The following NHERF1 variants were observed in gnomAD, a reference collection of about 807,000 sequenced individuals.
NHERF1 encodes the protein Na(+)/H(+) exchange regulatory cofactor NHE-RF1.
the NHERF1 span, among the ~76,000 whole-genome samples, chr17:74,758,070 G>A: frequency 3.7e-3 from 562 of 152,234 alleles, 5 homozygotes; most frequent in Middle Eastern, 0.02. This position sits in a 1 kb window ranked among gnomAD's most constrained non-coding sequence, Gnocchi z 4.3. Flanking sequence ...CCAATGGGGC[G>A]TTGGCCCCCA....
chr17:74,763,933 G>T, the NHERF1 span, among the ~76,000 whole-genome samples: 2 of 151,926 alleles, frequency 1.3e-5, no homozygotes, highest in African/African-American at 4.9e-5. Context: ...GTCCAGTGAC[G>T]GGGGCCGGTG....
At chr17:74,754,373 TTC>T in the NHERF1 span, among the ~76,000 whole-genome samples, 97 of 65,552 alleles carry the variant, frequency 1.5e-3, no homozygotes, top group African/African-American at 3.1e-3. Context: ...TGACATGCAT[TTC>T]TTTCTTTCTT....
the NHERF1 span, among the ~76,000 whole-genome samples, chr17:74,756,245 G>A: frequency 1.4e-5 from 2 of 145,966 alleles, no homozygotes; most frequent in Non-Finnish European, 1.5e-5. Context: ...CACCACACCT[G>A]GCCTATTTTT....
the NHERF1 span, chr17:74,768,036 C>T: frequency 2.4e-6 from 2 of 819,900 alleles, no homozygotes; most frequent in Non-Finnish European, 4.4e-6. Flanking sequence ...GCCAGGGCAT[C>T]AGTGCTACCT....
chr17:74,762,134 T>TG, the NHERF1 span: 1 of 1,614,154 alleles, frequency 6.2e-7, no homozygotes, highest in Middle Eastern at 1.6e-4. This position sits in a 1 kb window ranked among gnomAD's most constrained non-coding sequence, Gnocchi z 4.2. Context: ...ACTCCCCGGC[T>TG]GAGGCTTCAG....
At chr17:74,753,548 G>T in the NHERF1 span, among the ~76,000 whole-genome samples, 26 of 152,194 alleles carry the variant, frequency 1.7e-4, no homozygotes, top group Middle Eastern at 3.2e-3. Context: ...TTACCTTCAA[G>T]CTCCTGTTAA....
At chr17:74,758,498 G>A in the NHERF1 span, among the ~76,000 whole-genome samples, 7 of 152,202 alleles carry the variant, frequency 4.6e-5, no homozygotes, top group South Asian at 2.1e-4. The surrounding 1 kb of genome is among the most constrained non-coding windows in gnomAD (Gnocchi z 4.3). Context: ...GTTCCCTCCT[G>A]TTGATTCTGG....
chr17:74,762,561 T>TTA, the NHERF1 span, among the ~76,000 whole-genome samples: 2 of 39,636 alleles, frequency 5.0e-5, no homozygotes, highest in South Asian at 1.2e-3. This position sits in a 1 kb window ranked among gnomAD's most constrained non-coding sequence, Gnocchi z 4.2. Flanking sequence ...ATTTATTTAG[T>TTA]TTTTTTTTTT....
chr17:74,765,384 T>C, the NHERF1 span, among the ~76,000 whole-genome samples: 5 of 151,780 alleles, frequency 3.3e-5, no homozygotes, highest in African/African-American at 4.8e-5. Context: ...CTCAGTCTCC[T>C]GAGTAGCCGG....
the NHERF1 span, among the ~76,000 whole-genome samples, chr17:74,757,638 G>A: frequency 6.6e-6 from 1 of 152,038 alleles, no homozygotes; most frequent in Non-Finnish European, 1.5e-5. Flanking sequence ...TGGCTTCCTT[G>A]AAGAGCTGGC....
chr17:74,761,912 C>T, the NHERF1 span: 1 of 1,345,250 alleles, frequency 7.4e-7, no homozygotes, highest in Admixed American at 1.7e-5. This position sits in a 1 kb window ranked among gnomAD's most constrained non-coding sequence, Gnocchi z 4.3. Flanking sequence ...TGCATCCTCC[C>T]AAACCTTCCT....
At chr17:74,754,095 T>A in the NHERF1 span, among the ~76,000 whole-genome samples, 1 of 150,752 alleles carries the variant, frequency 6.6e-6, no homozygotes, top group African/African-American at 2.4e-5. Flanking sequence ...ACCTGGGAGG[T>A]GGAGGTTTCA....
chr17:74,763,225 T>TG, the NHERF1 span: 1 of 699,354 alleles, frequency 1.4e-6, no homozygotes, highest in Non-Finnish European at 2.4e-6. Context: ...TCTGCAGAAA[T>TG]GGCGGGGGTC....
chr17:74,749,345 C>T, the NHERF1 span: 1 of 1,422,680 alleles, frequency 7.0e-7, no homozygotes, highest in Non-Finnish European at 9.3e-7. This position sits in a 1 kb window ranked among gnomAD's most constrained non-coding sequence, Gnocchi z 5.6. Flanking sequence ...TCCGGAGAGA[C>T]CCAGGTGCCC....
the NHERF1 span, chr17:74,749,381 T>A: frequency 8.0e-7 from 1 of 1,249,502 alleles, no homozygotes; most frequent in Non-Finnish European, 1.1e-6. The surrounding 1 kb of genome is among the most constrained non-coding windows in gnomAD (Gnocchi z 5.6). Flanking sequence ...GCGCCCGCCG[T>A]CGTTTTTCTG....
the NHERF1 span, chr17:74,768,421 T>G: frequency 6.3e-7 from 1 of 1,597,566 alleles, no homozygotes; most frequent in Non-Finnish European, 8.6e-7. Context: ...CCAGGGAGCC[T>G]AATGAGGGAC....
the NHERF1 span, chr17:74,768,012 A>C: frequency 2.6e-6 from 2 of 776,406 alleles, no homozygotes; most frequent in Non-Finnish European, 4.8e-6. Flanking sequence ...GGAGGTGGGA[A>C]CCAGGGGTGG....
the NHERF1 span, chr17:74,748,869 G>C: frequency 3.8e-6 from 6 of 1,595,254 alleles, no homozygotes; most frequent in African/African-American, 2.7e-5. The surrounding 1 kb of genome is among the most constrained non-coding windows in gnomAD (Gnocchi z 4.3). Flanking sequence ...GCAGCGGCCG[G>C]GGCGCCCCTG....
At chr17:74,767,308 G>A in the NHERF1 span, among the ~76,000 whole-genome samples, 5 of 151,322 alleles carry the variant, frequency 3.3e-5, no homozygotes, top group African/African-American at 9.8e-5. Context: ...ACGGGCAGCC[G>A]GGCCCCTGCT....
Sources: allele counts gnomAD v4.1 joint callset (sites outside exome capture counted in the v4.1 genomes callset), GRCh38; gene constraint gnomAD v4.1.1; non-coding constraint Gnocchi (gnomAD v3.1); transcripts MANE v1.5; gene names NCBI Gene and HGNC (gene_info 2026-07-23, HGNC 2026-07-21).